CNTN2: variants seen among roughly 807,000 people sequenced by gnomAD.
The protein encoded by CNTN2 is contactin-2.
CNTN2 carries 53 observed loss-of-function variants against 117.5 expected under a neutral mutation model. The ratio of observed to expected loss-of-function variants is 0.45; its 90% CI spans 0.36 to 0.57. The LOEUF (loss-of-function observed/expected upper bound fraction) is 0.57, where lower values mean the gene tolerates loss of function less well. Ranked by LOEUF, CNTN2 falls within the 20% of genes least tolerant of loss-of-function variation. The pLI, the probability that CNTN2 is intolerant of heterozygous loss-of-function variation, is 0.00. For synonymous variants in CNTN2, 530 were observed against 561.7 expected, an observed-to-expected ratio of 0.94 and a Z score of 0.80; for missense variants, 1,106 against 1,404.3, an observed-to-expected ratio of 0.79 and a Z score of 3.39.
In CNTN2 at chr1:205,074,578, G is replaced by A. The variant is rs559522640; in HGVS notation, c.*813G>A. The A allele has an allele frequency of 2.5e-6, 1 of 398,630 alleles. No homozygotes were observed. The highest frequency in any genetic ancestry group is 1.4e-4 in the South Asian group (1 of 7,370). The allele number at this position is 398,630 out of a possible 1,614,324, so 24.7% of individuals were successfully genotyped here. The stretch of plus-strand genomic sequence containing the variant: ...TGACAGCGCCACTTCAGGTGGCTGG[G>A]TGACTAAAGGGCTTGTCTTGGTGGG... On this transcript the variant is annotated 3_prime_UTR_variant, in exon 23 of 23. Coordinates refer to ENST00000331830, the MANE Select transcript of CNTN2 (RefSeq NM_005076.5).
intron 19 of CNTN2, among the ~76,000 whole-genome samples, chr1:205,071,401 C>T (rs1358656547): frequency 6.6e-6 from 1 of 152,202 alleles, no homozygotes; most frequent in Admixed American, 6.5e-5. Flanking sequence ...AGCACAAGTT[C>T]ATTCTAGTAG....
intron 1 of CNTN2, among the ~76,000 whole-genome samples, chr1:205,050,051 T>C (rs72755577): frequency 0.22 from 33,382 of 152,034 alleles, 4,580 homozygotes; most frequent in East Asian, 0.64. Context: ...CAATCTCCAC[T>C]TTGCACATGA....
At chr1:205,066,211 G>A in intron 14 of CNTN2, 1 of 616,464 alleles carries the variant, frequency 1.6e-6, no homozygotes, top group Non-Finnish European at 2.8e-6. Flanking sequence ...CTCTCCATGT[G>A]ACAGCCTCTG....
At position 205,061,352 on chromosome 1, in the gene CNTN2, G is replaced by A. The variant is rs1306629701; in HGVS notation, c.905G>A (p.Gly302Asp). 1 of 1,613,922 alleles carries A rather than the reference G, an allele frequency of 6.2e-7. No homozygotes were observed. Among genetic ancestry groups the A allele is most frequent in the Non-Finnish European group, 8.5e-7 (1 of 1,179,914 alleles). Reference protein sequence around the residue: ...QIPSVSFEDEGTYECEAENSK... With the variant: ...QIPSVSFEDEDTYECEAENSK... ...CCCAGCGTCAGCTTTGAGGATGAGG[G>A]CACCTACGAGTGTGAGGCGGAGAAC... The change falls in exon 8 of 23, where the codon GGC becomes GAC. Residue 302 changes from glycine to aspartate, a missense_variant. Coordinates refer to ENST00000331830, the MANE Select transcript of CNTN2 (RefSeq NM_005076.5). This position sits in a 1 kb window ranked among gnomAD's most constrained non-coding sequence, Gnocchi z 4.8.
At chr1:205,072,659 A>G in intron 21 of CNTN2, 64 bp downstream of exon 21, 1 of 1,257,114 alleles carries the variant, frequency 8.0e-7, no homozygotes, top group African/African-American at 1.5e-5. Flanking sequence ...TCCAGTGAAC[A>G]TAAGCAGCAG....
chr1:205,055,388 T>C (rs776526445), intron 2 of CNTN2, among the ~76,000 whole-genome samples: 6 of 151,850 alleles, frequency 4.0e-5, no homozygotes, highest in Non-Finnish European at 8.8e-5. Context: ...CAAGTGTGGG[T>C]GTGTGAGGGT....
Position 205,059,532 on chromosome 1 carries a change from C to A in CNTN2, c.698-51C>A. 6.5e-7 allele frequency: 1 copy of A among 1,541,234 alleles called. No individual in the cohort carries two copies. Reference sequence around the variant, plus strand: ...GGTGCTGAGATCCCATGCACGGGAGCACCTGACCTGGAGTCATCTGCATCT... The same window carrying A: ...GGTGCTGAGATCCCATGCACGGGAGAACCTGACCTGGAGTCATCTGCATCT... On this transcript the variant is annotated intron_variant, in intron 6 of 22. Coordinates refer to ENST00000331830, the MANE Select transcript of CNTN2 (RefSeq NM_005076.5). The surrounding 1 kb of genome is among the most constrained non-coding windows in gnomAD (Gnocchi z 5.6).
rs1654668115 is a variant in CNTN2, at chr1:205,072,946, T to TGAG, written c.2845-117_2845-115dup. On this transcript the variant is annotated intron_variant, in intron 21 of 22. Coordinates refer to ENST00000331830, the MANE Select transcript of CNTN2 (RefSeq NM_005076.5). ...GAGCTTTGTCAATGGGGAGGAGGGG[T>TGAG]GAGGAGGCTGGACCTCAAGAGCCCA... 6 of 1,013,488 alleles carry TGAG rather than the reference T, an allele frequency of 5.9e-6. No homozygotes were observed. The East Asian group carries it at 1.6e-4, about 26-fold the overall frequency. 62.8% of individuals were successfully genotyped at this position (1,013,488 alleles called of 1,614,324 possible). A position where few individuals can be genotyped will look rare whatever the true frequency, so the allele number is the denominator to read the frequency against.
In CNTN2 at chr1:205,069,829, C is replaced by G. The variant is rs780094116; in HGVS notation, c.2199C>G (p.Pro733=). Residue 733 remains proline (P), a splice_region_variant and synonymous_variant, in exon 18 of 23, where the codon CCC becomes CCG. Coordinates refer to ENST00000331830, the MANE Select transcript of CNTN2 (RefSeq NM_005076.5). Reference sequence around the variant, plus strand: ...CATGCCATGCTCTTGCCCCTCAGCCCATGTCACGGGAGTACCAGAACGGAG... The same window carrying G: ...CATGCCATGCTCTTGCCCCTCAGCCGATGTCACGGGAGTACCAGAACGGAG... ...APGELIVNWT[P]MSREYQNGDG... The G allele has an allele frequency of 4.3e-6, 7 of 1,612,798 alleles. No individual in the cohort carries two copies. The highest frequency in any genetic ancestry group is 5.1e-6 in the Non-Finnish European group (6 of 1,179,178).
rs750428768 is a variant in CNTN2, at chr1:205,073,091, C to A, written c.2868C>A (p.His956Gln). 6.2e-7 allele frequency: 1 copy of A among 1,614,156 alleles called. No homozygotes were observed. The highest frequency in any genetic ancestry group is 8.5e-7 in the Non-Finnish European group (1 of 1,180,004). Residue 956 changes from histidine to glutamine, a missense_variant, in exon 22 of 23, where the codon CAC (histidine) becomes CAA (glutamine). Transcript: ENST00000331830. This position sits in a 1 kb window ranked among gnomAD's most constrained non-coding sequence, Gnocchi z 6.3. ...GYKMLYQNDLHLTPTLHLTGK... is the reference protein window; with the variant it reads ...GYKMLYQNDLQLTPTLHLTGK... ...AGATGCTGTACCAGAATGACTTACA[C>A]CTGACTCCCACGCTCCACCTCACCG...
At position 205,069,676 on chromosome 1, in the gene CNTN2, C is replaced by G. The variant is rs188797227; in HGVS notation, c.2196+115C>G. The G allele has an allele frequency of 5.8e-4, 817 of 1,398,560 alleles. 1 individual carries two copies. In the African/African-American group the frequency reaches 8.6e-3, roughly 15 times the overall value. 86.6% of individuals were successfully genotyped at this position (1,398,560 alleles called of 1,614,324 possible). ...CTCAAACGCGGATAACTTCCTGTCCCCCTTCCACGCACCCGCTGCCCCTTA... is the reference window on the plus strand; with the variant it reads ...CTCAAACGCGGATAACTTCCTGTCCGCCTTCCACGCACCCGCTGCCCCTTA... On this transcript the variant is annotated intron_variant, in intron 17 of 22. Transcript: ENST00000331830.
intron 7 of CNTN2, chr1:205,060,241 G>A (rs1213826438): frequency 6.4e-6 from 1 of 155,134 alleles, no homozygotes; most frequent in Non-Finnish European, 1.4e-5. Flanking sequence ...ACTCCTAGAA[G>A]AAGGAGTCAC....
Position 205,061,998 on chromosome 1 carries a change from C to G in CNTN2, c.1107C>G (p.Ser369=). 1.2e-6 allele frequency: 2 copies of G among 1,613,274 alleles called. No individual in the cohort carries two copies. Among genetic ancestry groups the G allele is most frequent in the Non-Finnish European group, 1.7e-6 (2 of 1,179,796 alleles). ...TGCGGAACGGGGAGCCTCTGGCCTC[C>G]CAGGTAGGAGACATGGGGCTTCCCC... ...RWLRNGEPLA[S]QNRVEVLAGD... Residue 369 remains serine (S), a synonymous_variant, in exon 9 of 23, where the codon TCC becomes TCG. Coordinates refer to ENST00000331830, the MANE Select transcript of CNTN2 (RefSeq NM_005076.5). The surrounding 1 kb of genome is among the most constrained non-coding windows in gnomAD (Gnocchi z 4.8).
At chr1:205,047,835 G>T (rs562872712) in intron 1 of CNTN2, among the ~76,000 whole-genome samples, 80 of 152,160 alleles carry the variant, frequency 5.3e-4, no homozygotes, top group Non-Finnish European at 8.7e-4. Flanking sequence ...AGCCTGTGAT[G>T]GTGCTGACCT....
rs756912706 is a variant in CNTN2, at chr1:205,065,073, G to T, written c.1520-14G>T. 6.8e-6 allele frequency: 11 copies of T among 1,613,618 alleles called. No homozygotes were observed. Among genetic ancestry groups the T allele is most frequent in the Non-Finnish European group, 6.8e-6 (8 of 1,179,812 alleles). The stretch of plus-strand genomic sequence containing the variant: ...CCTCCCCCATCCACCCAAGGGCCTT[G>T]TTTTTCTTGGCAGATGCAACCAAAA... On this transcript the variant is annotated splice_polypyrimidine_tract_variant and intron_variant, in intron 12 of 22. Coordinates refer to ENST00000331830, the MANE Select transcript of CNTN2 (RefSeq NM_005076.5). This position sits in a 1 kb window ranked among gnomAD's most constrained non-coding sequence, Gnocchi z 4.1.
intron 10 of CNTN2, 123 bp downstream of exon 10, chr1:205,062,692 C>A: frequency 8.6e-7 from 1 of 1,164,442 alleles, no homozygotes; most frequent in Non-Finnish European, 1.1e-6. Context: ...CTTGGTTTTC[C>A]AACAGTTTCT....
At chr1:205,060,856 C>T in intron 7 of CNTN2, 1 of 202,036 alleles carries the variant, frequency 4.9e-6, no homozygotes, top group Non-Finnish European at 9.9e-6. Context: ...GCAAGGCCTG[C>T]CCTGTAGAGG....
chr1:205,058,105 C>A lies in CNTN2; in HGVS notation c.215+40C>A. On this transcript the variant is annotated intron_variant, in intron 3 of 22. Coordinates refer to ENST00000331830, the MANE Select transcript of CNTN2 (RefSeq NM_005076.5). This position sits in a 1 kb window ranked among gnomAD's most constrained non-coding sequence, Gnocchi z 4.3. Reference sequence around the variant, plus strand: ...GTGGGTGCTGGGAGGCCCTGGGCAGCCGTTGAACTTTCCCTCTCATCAGCC... The same window carrying A: ...GTGGGTGCTGGGAGGCCCTGGGCAGACGTTGAACTTTCCCTCTCATCAGCC... The A allele has an allele frequency of 1.2e-6, 2 of 1,605,688 alleles. No homozygotes were observed. The highest frequency in any genetic ancestry group is 1.7e-4 in the Middle Eastern group (1 of 6,034).
In CNTN2 at chr1:205,065,270, C is replaced by G. The variant is rs1270941352; in HGVS notation, c.1695+8C>G. The G allele has an allele frequency of 1.7e-5, 27 of 1,613,850 alleles. No homozygotes were observed. The highest frequency in any genetic ancestry group is 2.1e-5 in the Non-Finnish European group (25 of 1,179,922). On this transcript the variant is annotated splice_region_variant and intron_variant, in intron 13 of 22. Coordinates refer to ENST00000331830, the MANE Select transcript of CNTN2 (RefSeq NM_005076.5). The surrounding 1 kb of genome is among the most constrained non-coding windows in gnomAD (Gnocchi z 4.1). Reference sequence around the variant, plus strand: ...TACCGGAGAACTAATGTGGTGAGACCTAGGGCCAGAGCCCCATGGCTTCTC... The same window carrying G: ...TACCGGAGAACTAATGTGGTGAGACGTAGGGCCAGAGCCCCATGGCTTCTC...
Sources: allele counts gnomAD v4.1 joint callset (sites outside exome capture counted in the v4.1 genomes callset), GRCh38; gene constraint gnomAD v4.1.1; non-coding constraint Gnocchi (gnomAD v3.1); transcripts MANE v1.5; gene names NCBI Gene and HGNC (gene_info 2026-07-23, HGNC 2026-07-21).